Variants in KCNG2 observed in about 807,000 individuals in gnomAD.
The protein encoded by KCNG2 is voltage-gated potassium channel regulatory subunit KCNG2.
KCNG2 carries 7 observed loss-of-function variants against 12.3 expected under a neutral mutation model. The ratio of observed to expected loss-of-function variants is 0.57; its 90% CI spans 0.32 to 1.07. The LOEUF is 1.07. KCNG2 is among the 50% of genes least tolerant of loss of function. The probability of loss-of-function intolerance (pLI) is 0.04; values close to 1 mark genes in which losing one functional copy is unlikely to be tolerated. For missense variants in KCNG2, 703 were observed against 726.0 expected, an observed-to-expected ratio of 0.97 and a Z score of 0.36; for synonymous variants, 414 against 351.4, an observed-to-expected ratio of 1.18 and a Z score of -1.99.
intron 1 of KCNG2, among the ~76,000 whole-genome samples, chr18:79,812,000 T>C (rs1014644798): frequency 6.6e-6 from 1 of 152,112 alleles, no homozygotes; most frequent in Non-Finnish European, 1.5e-5. Flanking sequence ...TTAATACTTG[T>C]ATCATCAGGC....
In KCNG2 at chr18:79,899,938, C is replaced by T. The variant is rs1444543852; in HGVS notation, c.*122C>T. On this transcript the variant is annotated 3_prime_UTR_variant, in exon 4 of 4. Coordinates refer to ENST00000316249, the MANE Select transcript of KCNG2 (RefSeq NM_012283.2). Reference sequence around the variant, plus strand: ...GAGCGGCTCCTGCCGGCCGCGTCCTCGGCCCTCGTGCGTGAGCAGCCCCAG... The same window carrying T: ...GAGCGGCTCCTGCCGGCCGCGTCCTTGGCCCTCGTGCGTGAGCAGCCCCAG... The T allele has an allele frequency of 1.1e-5, 10 of 948,536 alleles. No individual in the cohort carries two copies. The highest frequency in any genetic ancestry group is 1.2e-5 in the Non-Finnish European group (9 of 724,810). 58.8% of individuals were successfully genotyped at this position (948,536 alleles called of 1,614,324 possible).
chr18:79,802,949 C>T (rs1416659764), intron 1 of KCNG2, among the ~76,000 whole-genome samples: 2 of 152,150 alleles, frequency 1.3e-5, no homozygotes, highest in Non-Finnish European at 2.9e-5. Flanking sequence ...GAGGCTGAGG[C>T]GGGCAGATCA....
chr18:79,808,205 T>G (rs374628467), intron 1 of KCNG2, among the ~76,000 whole-genome samples: 240 of 42,206 alleles, frequency 5.7e-3, no homozygotes, highest in South Asian at 0.02. Context: ...TGCCGGGGCC[T>G]CGCTGACCAC....
chr18:79,896,284 G>GTT (rs763070350), intron 3 of KCNG2, among the ~76,000 whole-genome samples: 13 of 144,890 alleles, frequency 9.0e-5, no homozygotes, highest in African/African-American at 3.0e-4. Context: ...ATATTTTAAA[G>GTT]TTTTTTTTTT....
At chr18:79,883,399 CT>C (rs1300835596) in intron 3 of KCNG2, among the ~76,000 whole-genome samples, 1 of 152,248 alleles carries the variant, frequency 6.6e-6, no homozygotes, top group Admixed American at 6.5e-5. Context: ...CGAGCAGGTC[CT>C]TTTGCATAAA....
intron 1 of KCNG2, among the ~76,000 whole-genome samples, chr18:79,806,435 G>T (rs868702209): frequency 6.6e-6 from 1 of 152,224 alleles, no homozygotes; most frequent in Non-Finnish European, 1.5e-5. Flanking sequence ...TCTCATGGGT[G>T]TTTCTTGAAC....
chr18:79,830,244 C>T (rs1978291835), intron 1 of KCNG2, among the ~76,000 whole-genome samples: 1 of 152,160 alleles, frequency 6.6e-6, no homozygotes, highest in Non-Finnish European at 1.5e-5. Context: ...ACACACCTCC[C>T]CTGAAAGCAG....
intron 3 of KCNG2, among the ~76,000 whole-genome samples, chr18:79,866,692 AGAG>A (rs1979579442): frequency 1.0e-5 from 1 of 100,220 alleles, no homozygotes; most frequent in Non-Finnish European, 2.0e-5. Flanking sequence ...CTGGGTGCTG[AGAG>A]GTCTGGGTGC....
At chr18:79,892,528 T>G (rs1308355535) in intron 3 of KCNG2, among the ~76,000 whole-genome samples, 1 of 152,208 alleles carries the variant, frequency 6.6e-6, no homozygotes, top group Admixed American at 6.5e-5. Context: ...CATCTAATGG[T>G]ACAATTGATA....
chr18:79,857,318 G>A (rs1194636833), intron 2 of KCNG2, among the ~76,000 whole-genome samples: 3 of 150,552 alleles, frequency 2.0e-5, no homozygotes, highest in Admixed American at 6.6e-5. Context: ...TGATTATGGA[G>A]CGCTTCTCTC....
At chr18:79,870,335 G>C (rs1224177465) in intron 3 of KCNG2, among the ~76,000 whole-genome samples, 4 of 152,220 alleles carry the variant, frequency 2.6e-5, no homozygotes, top group African/African-American at 9.6e-5. Context: ...GCAATGACGT[G>C]GTGTGGTTTT....
At chr18:79,849,152 A>C (rs1180620557) in intron 1 of KCNG2, among the ~76,000 whole-genome samples, 2 of 152,062 alleles carry the variant, frequency 1.3e-5, no homozygotes, top group Non-Finnish European at 2.9e-5. Flanking sequence ...GTCTTCAGTC[A>C]GCCTCCCTTA....
intron 3 of KCNG2, among the ~76,000 whole-genome samples, chr18:79,888,217 A>G (rs1980602229): frequency 1.3e-5 from 2 of 152,178 alleles, no homozygotes; most frequent in Admixed American, 1.3e-4. Flanking sequence ...AGTCCCGTCC[A>G]CGCGGTGGGG....
intron 3 of KCNG2, among the ~76,000 whole-genome samples, chr18:79,869,899 GC>G (rs1318887860): frequency 6.6e-6 from 1 of 152,268 alleles, no homozygotes; most frequent in Non-Finnish European, 1.5e-5. Context: ...ACGCGGGACG[GC>G]CCGCAGCCGT....
chr18:79,822,368 G>A lies in KCNG2; in HGVS notation c.-115+24354G>A, dbSNP rs1276778519. Among the ~76,000 whole-genome samples, 1 of 152,074 alleles carries A rather than the reference G, an allele frequency of 6.6e-6. No individual in the cohort carries two copies. Among genetic ancestry groups the A allele is most frequent in the South Asian group, 2.1e-4 (1 of 4,822 alleles). ...GTTCTGTCCAGGGCCCCTCACCATC[G>A]TTCCCATCATCCGTCTGTAATAGCT... is the stretch of plus-strand genomic sequence containing the variant. On this transcript the variant is annotated intron_variant, in intron 1 of 3. Coordinates refer to ENST00000316249, the MANE Select transcript of KCNG2 (RefSeq NM_012283.2). This position sits in a 1 kb window ranked among gnomAD's most constrained non-coding sequence, Gnocchi z 4.4.
intron 3 of KCNG2, among the ~76,000 whole-genome samples, chr18:79,882,306 C>G (rs1463033899): frequency 6.6e-6 from 1 of 152,172 alleles, no homozygotes; most frequent in Non-Finnish European, 1.5e-5. Context: ...CCCAGGAGTT[C>G]ACGACCAGCC....
At chr18:79,824,513 C>G (rs746494546) in intron 1 of KCNG2, among the ~76,000 whole-genome samples, 1 of 152,126 alleles carries the variant, frequency 6.6e-6, no homozygotes, top group Non-Finnish European at 1.5e-5. Context: ...TTTTTGCTGT[C>G]TAGTTTTATT....
At chr18:79,806,377 T>TG (rs1366381096) in intron 1 of KCNG2, among the ~76,000 whole-genome samples, 2 of 151,962 alleles carry the variant, frequency 1.3e-5, no homozygotes, top group African/African-American at 4.8e-5. Context: ...TGTCAGGGTT[T>TG]GGGGTGTGGG....
chr18:79,890,776 GTTCC>G (rs1335160343), intron 3 of KCNG2, among the ~76,000 whole-genome samples: 1 of 152,132 alleles, frequency 6.6e-6, no homozygotes, highest in Non-Finnish European at 1.5e-5. Context: ...TGCAGATTCT[GTTCC>G]TTCCTCGTTT....
Sources: gnomAD v4.1 joint callset for allele counts (sites outside exome capture counted in the v4.1 genomes callset) on GRCh38, gnomAD v4.1.1 for gene constraint, Gnocchi (gnomAD v3.1) non-coding constraint, MANE v1.5 for transcripts, NCBI Gene and HGNC (gene_info 2026-07-23, HGNC 2026-07-21) for gene names.